DHX29: variants seen among roughly 807,000 people sequenced by gnomAD.
The protein encoded by DHX29 is DExH-box helicase 29, also known as ATP-dependent RNA helicase DHX29.
Under a neutral mutation model 167.9 loss-of-function variants are expected in DHX29, and 79 were observed. The ratio of observed to expected loss-of-function variants is 0.47; its 90% confidence interval spans 0.39 to 0.57. The LOEUF is 0.57. DHX29 is among the 20% of genes least tolerant of loss of function. DHX29 has a pLI of 0.00. For synonymous variants in DHX29, 530 were observed against 546.0 expected (o/e 0.97, Z 0.41); for missense variants, 1,347 against 1,593.4 (o/e 0.85, Z 2.63).
chr5:55,265,940 T>C (rs148929390), intron 23 of DHX29, among the ~76,000 whole-genome samples: 2,349 of 152,306 alleles, frequency 0.015, 33 homozygotes, highest in Middle Eastern at 0.02. Flanking sequence ...TTTTTCGTAA[T>C]TAAATAACCA....
In DHX29 at chr5:55,298,648, A is replaced by G. The variant is rs1748438296; in HGVS notation, c.204T>C (p.Ser68=). The change falls in exon 2 of 27, where the codon AGT becomes AGC. Residue 68 remains serine, a synonymous_variant. Coordinates refer to ENST00000251636, the MANE Select transcript of DHX29 (RefSeq NM_019030.4). Reference sequence around the variant, plus strand: ...CACTAGAATCATTTGTAGAATTAAAACTATAAATTTTTGGACCTGTAAATA... The same window carrying G: ...CACTAGAATCATTTGTAGAATTAAAGCTATAAATTTTTGGACCTGTAAATA... ...PRVKQGPKIY[S]FNSTNDSSGP... 1.3e-6 allele frequency: 2 copies of G among 1,527,676 alleles called. No homozygotes were observed. The highest frequency in any genetic ancestry group is 3.4e-5 in the Admixed American group (2 of 59,308). 94.6% of individuals were successfully genotyped at this position (1,527,676 alleles called of 1,614,324 possible).
At chr5:55,273,650 C>G (rs1308425357) in intron 16 of DHX29, among the ~76,000 whole-genome samples, 39 of 152,108 alleles carry the variant, frequency 2.6e-4, no homozygotes, top group Non-Finnish European at 5.7e-4. Flanking sequence ...GTAATAAACT[C>G]TATCAAAACA....
chr5:55,295,360 T>C lies in DHX29; in HGVS notation c.651+19A>G, dbSNP rs779973971. ...CATTCTGATTTTATACAACTTTAAA[T>C]GCTTAATTCTCAAATTACCTTACTC... On this transcript the variant is annotated intron_variant, in intron 5 of 26. Transcript: ENST00000251636. The C allele has an allele frequency of 8.2e-6, 13 of 1,577,808 alleles. No homozygotes were observed. The South Asian group carries it at 1.3e-4, about 16-fold the overall frequency.
At chr5:55,295,603 A>G in intron 4 of DHX29, 79 bp from the exon 5 acceptor site, 1 of 1,461,152 alleles carries the variant, frequency 6.8e-7, no homozygotes, top group South Asian at 1.3e-5. Context: ...AAGCATTTGT[A>G]AACCTTGCCT....
At chr5:55,272,293 A>G in intron 17 of DHX29, 118 bp from the exon 18 acceptor site, 1 of 673,080 alleles carries the variant, frequency 1.5e-6, no homozygotes, top group South Asian at 2.0e-5. Context: ...TCAGTCACAA[A>G]AATTTACAAT....
intron 7 of DHX29, among the ~76,000 whole-genome samples, chr5:55,289,702 G>A (rs1273086724): frequency 6.6e-6 from 1 of 151,970 alleles, no homozygotes; most frequent in Non-Finnish European, 1.5e-5. Flanking sequence ...GGTGCAATAA[G>A]CCTGGAAAAA....
chr5:55,289,573 CCTT>C, intron 7 of DHX29, 145 bp from the exon 8 acceptor site: 1 of 564,838 alleles, frequency 1.8e-6, no homozygotes, highest in African/African-American at 2.0e-5. Flanking sequence ...AAACTGCATT[CCTT>C]CTTTTTCCTT....
intron 12 of DHX29, 31 bp from the exon 13 acceptor site, chr5:55,277,313 T>C (rs781515337): frequency 1.4e-6 from 2 of 1,460,076 alleles, no homozygotes; most frequent in Non-Finnish European, 1.9e-6. Flanking sequence ...AAAAAGTTCA[T>C]CATATATTGT....
intron 3 of DHX29, among the ~76,000 whole-genome samples, chr5:55,296,829 TA>T (rs1382306557): frequency 6.6e-6 from 1 of 152,192 alleles, no homozygotes; most frequent in Non-Finnish European, 1.5e-5. Flanking sequence ...TAGATAAAGA[TA>T]AAGCATTTTA....
chr5:55,282,832 C>A (rs1436134577), intron 11 of DHX29, among the ~76,000 whole-genome samples: 2 of 151,838 alleles, frequency 1.3e-5, no homozygotes, highest in Non-Finnish European at 2.9e-5. Flanking sequence ...TAATGAAAAT[C>A]ATTCAGGAAT....
intron 23 of DHX29, 29 bp downstream of exon 23, chr5:55,267,109 C>G (rs780983059): frequency 6.9e-7 from 1 of 1,445,158 alleles, no homozygotes. Context: ...ACCCATGACT[C>G]TGAGTGAGAG....
At chr5:55,297,757 A>C (rs1748394528) in intron 2 of DHX29, among the ~76,000 whole-genome samples, 1 of 152,222 alleles carries the variant, frequency 6.6e-6, no homozygotes, top group South Asian at 2.1e-4. Context: ...AACCACTGCA[A>C]GCACACAACC....
chr5:55,272,048 C>T, intron 18 of DHX29, 39 bp downstream of exon 18: 1 of 1,237,712 alleles, frequency 8.1e-7, no homozygotes, highest in Non-Finnish European at 1.1e-6. Context: ...AACCTCTTTC[C>T]AGGTTAAAAA....
At position 55,283,759 on chromosome 5, in the gene DHX29, C is replaced by G; in HGVS notation, c.1409G>C (p.Ser470Thr). ...PTYRDVWLEW[S>T]DAEKKREELN... Reference sequence around the variant, plus strand: ...TTCTTCCCTTTTCTTTTCTGCATCACTCCACTCCAGCCAAACATCTCGGTA... The same window carrying G: ...TTCTTCCCTTTTCTTTTCTGCATCAGTCCACTCCAGCCAAACATCTCGGTA... Residue 470 changes from serine to threonine, a missense_variant, in exon 11 of 27, where the codon AGT (serine) becomes ACT (threonine). Ser to Thr is a moderately conservative substitution (Grantham distance 58). Transcript: ENST00000251636. 1 of 1,611,834 alleles carries G rather than the reference C, an allele frequency of 6.2e-7. No homozygotes were observed. The highest frequency in any genetic ancestry group is 8.5e-7 in the Non-Finnish European group (1 of 1,179,260).
At position 55,293,909 on chromosome 5, in the gene DHX29, C is replaced by T. The variant is rs1748172656; in HGVS notation, c.780+108G>A. ...TTTTATTTAATCTTCACATCAACCC[C>T]TTGGAGGTACATTTCCAATTTACAA... On this transcript the variant is annotated intron_variant, in intron 6 of 26. Transcript: ENST00000251636. 6.3e-6 allele frequency: 8 copies of T among 1,261,450 alleles called. No homozygotes were observed. The South Asian group carries it at 1.0e-4, about 16-fold the overall frequency. The allele number at this position is 1,261,450 out of a possible 1,614,324, so 78.1% of individuals were successfully genotyped here. A position where few individuals can be genotyped will look rare whatever the true frequency, so the allele number is the denominator to read the frequency against.
At position 55,270,615 on chromosome 5, in the gene DHX29, T is replaced by C; in HGVS notation, c.2956A>G (p.Arg986Gly). The C allele has an allele frequency of 2.5e-6, 4 of 1,614,234 alleles. No individual in the cohort carries two copies. Among genetic ancestry groups the C allele is most frequent in the Non-Finnish European group, 3.4e-6 (4 of 1,180,034 alleles). The change falls in exon 19 of 27, where the codon AGA (arginine) becomes GGA (glycine). Residue 986 changes from arginine (R) to glycine (G), a missense_variant. By Grantham distance (125) the Arg-to-Gly change is moderately radical. Around this residue, in one of 3 missense-constraint regions of DHX29, gnomAD observed 882 missense variants for 1,082.4 expected, o/e 0.81. Coordinates refer to ENST00000251636, the MANE Select transcript of DHX29 (RefSeq NM_019030.4). Reference protein sequence around the residue: ...LQRQGRAGRVRDGFCFRMYTR... With the variant: ...LQRQGRAGRVGDGFCFRMYTR... ...TACATTCGGAAACAGAAGCCATCTC[T>C]GACCCGCCCAGCTCTTCCCTGGCGC...
At chr5:55,270,514 ATAT>A in intron 19 of DHX29, 27 bp from the exon 20 acceptor site, 1 of 1,613,256 alleles carries the variant, frequency 6.2e-7, no homozygotes, top group Non-Finnish European at 8.5e-7. Context: ...TACTAAATAC[ATAT>A]TATCAGAAAT....
At chr5:55,278,143 G>A (rs534078738) in intron 12 of DHX29, among the ~76,000 whole-genome samples, 3 of 150,596 alleles carry the variant, frequency 2.0e-5, no homozygotes, top group Admixed American at 6.6e-5. Context: ...GGAAGAGCAC[G>A]GATGAGGTAT....
intron 5 of DHX29, 155 bp downstream of exon 5, chr5:55,295,224 A>T: frequency 4.8e-6 from 3 of 629,598 alleles, no homozygotes; most frequent in Non-Finnish European, 8.1e-6. Context: ...TTTGTTATAT[A>T]ACTAAAACAA....
Sources: gnomAD v4.1 joint callset for allele counts (sites outside exome capture counted in the v4.1 genomes callset) on GRCh38, gnomAD v4.1.1 for gene constraint, gnomAD v4.1.1 regional missense constraint, MANE v1.5 for transcripts, NCBI Gene and HGNC (gene_info 2026-07-23, HGNC 2026-07-21) for gene names.